MSH5: variants seen among roughly 807,000 people sequenced by gnomAD.
MSH5 encodes the protein mutS protein homolog 5.
A neutral mutation model predicts 107.7 loss-of-function variants in MSH5; 78 were observed. That is an observed-to-expected ratio of 0.72 (90% CI 0.60 to 0.87). The LOEUF (loss-of-function observed/expected upper bound fraction) is 0.87, where lower values mean the gene tolerates loss of function less well. MSH5 is among the 40% of genes least tolerant of loss of function. The pLI is 0.00. For synonymous variants in MSH5, 326 were observed against 399.5 expected, an observed-to-expected ratio of 0.82 and a Z score of 2.19; for missense variants, 889 against 1,046.6, an observed-to-expected ratio of 0.85 and a Z score of 2.08.
chr6:31,758,974 C>G lies in MSH5; in HGVS notation c.1326+99C>G, dbSNP rs1810710182. ...GTAGATAAGAAAACTTGTGGGGCAG[C>G]CTGAAGAACATGAACACTTTTTTGT... On this transcript the variant is annotated intron_variant, in intron 15 of 24. Coordinates refer to ENST00000375750, the MANE Select transcript of MSH5 (RefSeq NM_172166.4). The surrounding 1 kb of genome is among the most constrained non-coding windows in gnomAD (Gnocchi z 5.1). 7.1e-7 allele frequency: 1 copy of G among 1,414,116 alleles called. No homozygotes were observed. The highest frequency in any genetic ancestry group is 1.0e-6 in the Non-Finnish European group (1 of 1,000,552). The allele number at this position is 1,414,116 out of a possible 1,614,324, so 87.6% of individuals were successfully genotyped here. A position where few individuals can be genotyped will look rare whatever the true frequency, so the allele number is the denominator to read the frequency against.
At chr6:31,748,208 A>C (rs1177787059) in intron 10 of MSH5, among the ~76,000 whole-genome samples, 1 of 152,042 alleles carries the variant, frequency 6.6e-6, no homozygotes, top group Non-Finnish European at 1.5e-5. Flanking sequence ...TGCCCACCAG[A>C]TCTGTTCCTC....
In MSH5 at chr6:31,759,617, T is replaced by G; in HGVS notation, c.1495+105T>G. ...CTTGGGGATGCTTCCAACAGGCCCC[T>G]CCTCTTCCTGCTCTCTGTCTCGCTC... On this transcript the variant is annotated intron_variant, in intron 17 of 24. Coordinates refer to ENST00000375750, the MANE Select transcript of MSH5 (RefSeq NM_172166.4). This position sits in a 1 kb window ranked among gnomAD's most constrained non-coding sequence, Gnocchi z 4.7. The G allele has an allele frequency of 7.3e-7, 1 of 1,366,994 alleles. No homozygotes were observed. The highest frequency in any genetic ancestry group is 1.2e-5 in the South Asian group (1 of 82,132). 84.7% of individuals were successfully genotyped at this position (1,366,994 alleles called of 1,614,324 possible).
chr6:31,750,214 T>C (rs1425189036), intron 10 of MSH5, among the ~76,000 whole-genome samples: 1 of 152,224 alleles, frequency 6.6e-6, no homozygotes, highest in East Asian at 1.9e-4. Context: ...TTATTAATAT[T>C]TCTGTATACG....
chr6:31,759,544 A>G lies in MSH5; in HGVS notation c.1495+32A>G. Reference sequence around the variant, plus strand: ...AAAAGCCAGAGGTTATATGCATTGTAAGATGTTTAAAAAAAGCAGCAGCCA... The same window carrying G: ...AAAAGCCAGAGGTTATATGCATTGTGAGATGTTTAAAAAAAGCAGCAGCCA... On this transcript the variant is annotated intron_variant, in intron 17 of 24. Transcript: ENST00000375750. This position sits in a 1 kb window ranked among gnomAD's most constrained non-coding sequence, Gnocchi z 4.7. The G allele has an allele frequency of 6.2e-7, 1 of 1,607,410 alleles. No homozygotes were observed. The highest frequency in any genetic ancestry group is 8.5e-7 in the Non-Finnish European group (1 of 1,176,480).
Position 31,744,532 on chromosome 6 carries a change from T to G in MSH5, c.648-14T>G. On this transcript the variant is annotated splice_polypyrimidine_tract_variant and intron_variant, in intron 7 of 24. Transcript: ENST00000375750. ...ACTCAGACTGCTTCCTGCTTTTTTG[T>G]TTTCTGTCCTCAGGACTCATCTGGT... 6.2e-7 allele frequency: 1 copy of G among 1,613,472 alleles called. No homozygotes were observed. Among genetic ancestry groups the G allele is most frequent in the Non-Finnish European group, 8.5e-7 (1 of 1,180,020 alleles).
At position 31,761,444 on chromosome 6, in the gene MSH5, C is replaced by T. The variant is rs778772295; in HGVS notation, c.2038-28C>T. 6 of 1,611,776 alleles carry T rather than the reference C, an allele frequency of 3.7e-6. No homozygotes were observed. The highest frequency in any genetic ancestry group is 1.7e-5 in the Admixed American group (1 of 59,994). On this transcript the variant is annotated intron_variant, in intron 21 of 24. Coordinates refer to ENST00000375750, the MANE Select transcript of MSH5 (RefSeq NM_172166.4). The surrounding 1 kb of genome is among the most constrained non-coding windows in gnomAD (Gnocchi z 5.3). Reference sequence around the variant, plus strand: ...GGGGCATATGGGGTCCCCATGGCTCCGAATGCTAACCTCTGCCCTCTTTGC... The same window carrying T: ...GGGGCATATGGGGTCCCCATGGCTCTGAATGCTAACCTCTGCCCTCTTTGC...
intron 9 of MSH5, among the ~76,000 whole-genome samples, chr6:31,745,788 T>TTG (rs1809388202): frequency 1.2e-4 from 17 of 137,460 alleles, no homozygotes; most frequent in South Asian, 2.3e-4. Context: ...TTTTTTTTGA[T>TTG]ACAGAGTCTC....
Position 31,753,303 on chromosome 6 carries a change from T to A in MSH5, c.815T>A (p.Leu272Gln), listed in dbSNP as rs1581540487. 1 of 1,604,686 alleles carries A rather than the reference T, an allele frequency of 6.2e-7. No individual in the cohort carries two copies. Among genetic ancestry groups the A allele is most frequent in the Non-Finnish European group, 8.5e-7 (1 of 1,172,316 alleles). The part of the protein sequence containing the change: ...HCKWGEKLLR[L>Q]WFTRPTHDLG... ...CCCACCCAAACCCTCACTTCCAGGCTATGGTTCACACGTCCGACTCATGAC... is the reference window on the plus strand; with the variant it reads ...CCCACCCAAACCCTCACTTCCAGGCAATGGTTCACACGTCCGACTCATGAC... Residue 272 changes from leucine to glutamine, a missense_variant and splice_region_variant, in exon 11 of 25, where the codon CTA (leucine) becomes CAA (glutamine). Around this residue, in one of 3 missense-constraint regions of MSH5, gnomAD observed 518 missense variants for 565.0 expected, o/e 0.92. Coordinates refer to ENST00000375750, the MANE Select transcript of MSH5 (RefSeq NM_172166.4).
At chr6:31,755,333 C>CAT (rs1810352563) in intron 12 of MSH5, among the ~76,000 whole-genome samples, 2 of 118,110 alleles carry the variant, frequency 1.7e-5, no homozygotes, top group Non-Finnish European at 3.7e-5. Context: ...TTATTTTTTG[C>CAT]TTGCATTTAT....
Position 31,760,947 on chromosome 6 carries a change from C to A in MSH5, c.1962+108C>A. The A allele has an allele frequency of 7.6e-7, 1 of 1,318,650 alleles. No individual in the cohort carries two copies. Among genetic ancestry groups the A allele is most frequent in the Non-Finnish European group, 1.0e-6 (1 of 964,462 alleles). 81.7% of individuals were successfully genotyped at this position (1,318,650 alleles called of 1,614,324 possible). On this transcript the variant is annotated intron_variant, in intron 20 of 24. Transcript: ENST00000375750. The surrounding 1 kb of genome is among the most constrained non-coding windows in gnomAD (Gnocchi z 5.6). The stretch of plus-strand genomic sequence containing the variant: ...TGCCCTCTGCTGCATGCCCTTTATA[C>A]TAAAAGTGGGGAGCACTAAGGTCAG...
intron 10 of MSH5, 71 bp from the exon 11 acceptor site, chr6:31,753,230 A>G (rs954781760): frequency 2.0e-6 from 3 of 1,538,166 alleles, no homozygotes; most frequent in Non-Finnish European, 2.6e-6. Context: ...CTGCAAGCAC[A>G]CTTTTTGGCA....
chr6:31,759,520 A>T lies in MSH5; in HGVS notation c.1495+8A>T, dbSNP rs773608449. ...TGCACTGCGAGATCCGGGGTGAGGA[A>T]AAGCCAGAGGTTATATGCATTGTAA... On this transcript the variant is annotated splice_region_variant and intron_variant, in intron 17 of 24. Transcript: ENST00000375750. This position sits in a 1 kb window ranked among gnomAD's most constrained non-coding sequence, Gnocchi z 4.7. 1.2e-6 allele frequency: 2 copies of T among 1,612,362 alleles called. No homozygotes were observed. The highest frequency in any genetic ancestry group is 2.2e-5 in the South Asian group (2 of 91,060).
At chr6:31,752,206 C>T (rs1052006025) in intron 10 of MSH5, among the ~76,000 whole-genome samples, 4 of 150,148 alleles carry the variant, frequency 2.7e-5, no homozygotes, top group Admixed American at 6.6e-5. Context: ...TTTGGGAGGC[C>T]GAGGCGGGTG....
At chr6:31,751,041 G>C (rs1809909760) in intron 10 of MSH5, among the ~76,000 whole-genome samples, 1 of 152,008 alleles carries the variant, frequency 6.6e-6, no homozygotes, top group African/African-American at 2.4e-5. Flanking sequence ...GTCTCACTCT[G>C]TCACCCATCC....
chr6:31,747,478 A>G (rs1809566527), intron 10 of MSH5, 46 bp downstream of exon 10: 2 of 1,589,696 alleles, frequency 1.3e-6, no homozygotes, highest in Non-Finnish European at 1.7e-6. Flanking sequence ...TGAATTCCAT[A>G]TGCACACTAC....
chr6:31,758,539 T>C lies in MSH5; in HGVS notation c.1144-9T>C, dbSNP rs779161931. 15 of 1,613,078 alleles carry C rather than the reference T, an allele frequency of 9.3e-6. No individual in the cohort carries two copies. In the Admixed American group the frequency reaches 2.3e-4, roughly 25 times the overall value. On this transcript the variant is annotated splice_polypyrimidine_tract_variant and intron_variant, in intron 13 of 24. Coordinates refer to ENST00000375750, the MANE Select transcript of MSH5 (RefSeq NM_172166.4). This position sits in a 1 kb window ranked among gnomAD's most constrained non-coding sequence, Gnocchi z 5.1. ...GCCAGGTCCTAAGAAACAGTACTTA[T>C]CTCCTCAGGTGGACTTTGAGGGCAG...
In MSH5 at chr6:31,762,430, T is replaced by G; in HGVS notation, c.2404T>G (p.Leu802Val). 6.2e-7 allele frequency: 1 copy of G among 1,612,350 alleles called. No individual in the cohort carries two copies. Among genetic ancestry groups the G allele is most frequent in the East Asian group, 2.2e-5 (1 of 44,868 alleles). The change falls in exon 25 of 25, where the codon TTA becomes GTA. Residue 802 changes from leucine to valine, a missense_variant. Transcript: ENST00000375750. ...TTCTCTCTTCTTCAGTTGCCAGACA[T>G]TAGTGGATAAGTTTATGAAACTGGA... is the stretch of plus-strand genomic sequence containing the variant. ...KKNQMENCQT[L>V]VDKFMKLDLE...
Position 31,740,221 on chromosome 6 carries a change from G to T in MSH5, c.-14+159G>T. The stretch of plus-strand genomic sequence containing the variant: ...CCCTCAGACCCCTTCCTTCCAAAGG[G>T]TAACCTCCGCGTGACAGGAATGAGG... On this transcript the variant is annotated intron_variant, in intron 1 of 24. Coordinates refer to ENST00000375750, the MANE Select transcript of MSH5 (RefSeq NM_172166.4). The surrounding 1 kb of genome is among the most constrained non-coding windows in gnomAD (Gnocchi z 4.4). 1 of 451,438 alleles carries T rather than the reference G, an allele frequency of 2.2e-6. No homozygotes were observed. Among genetic ancestry groups the T allele is most frequent in the South Asian group, 3.7e-5 (1 of 26,806 alleles). The allele number at this position is 451,438 out of a possible 1,614,324, so 28.0% of individuals were successfully genotyped here. A position where few individuals can be genotyped will look rare whatever the true frequency, so the allele number is the denominator to read the frequency against.
At chr6:31,744,993 G>T (rs576593036) in intron 8 of MSH5, among the ~76,000 whole-genome samples, 1 of 150,998 alleles carries the variant, frequency 6.6e-6, no homozygotes, top group Admixed American at 6.6e-5. Context: ...TGTAATCCCA[G>T]CCACTCAGGA....
Sources: gnomAD v4.1 joint callset for allele counts (sites outside exome capture counted in the v4.1 genomes callset) on GRCh38, gnomAD v4.1.1 for gene constraint, gnomAD v4.1.1 regional missense constraint, Gnocchi (gnomAD v3.1) non-coding constraint, MANE v1.5 for transcripts, NCBI Gene and HGNC (gene_info 2026-07-23, HGNC 2026-07-21) for gene names.